Variants in GBP6 observed in about 807,000 individuals in gnomAD.
GBP6 encodes the protein guanylate binding protein family member 6.
In GBP6, 54 loss-of-function variants were observed where a neutral mutation model predicts 61.5. That is an observed-to-expected ratio of 0.88 (90% CI 0.71 to 1.10). GBP6 has a LOEUF of 1.10. GBP6 is among the 50% of genes least tolerant of loss of function. GBP6 has a pLI of 0.00. For missense variants in GBP6, 748 were observed against 752.8 expected (o/e 0.99, Z 0.07); for synonymous variants, 255 against 273.7 (o/e 0.93, Z 0.67).
intron 4 of GBP6, 37 bp from the exon 5 acceptor site, chr1:89,378,380 G>C: frequency 6.3e-7 from 1 of 1,586,294 alleles, no homozygotes. Context: ...TGTGTGAATT[G>C]TGGGCAGACA....
rs1375864531 is a variant in GBP6 at position 89,380,605 on chromosome 1, G to T, written c.845G>T (p.Arg282Met). The T allele has an allele frequency of 6.2e-7, 1 of 1,613,760 alleles. No homozygotes were observed. The highest frequency in any genetic ancestry group is 1.3e-5 in the African/African-American group (1 of 74,908). ...ACTCATGCAAGAACCAAGACCCTCAGGGAGGGAATCACAGTCACTGGGAAT... is the reference window on the plus strand; with the variant it reads ...ACTCATGCAAGAACCAAGACCCTCATGGAGGGAATCACAGTCACTGGGAAT... ...IFTHARTKTL[R>M]EGITVTGNRL... Residue 282 changes from arginine (R) to methionine (M), a missense_variant, in exon 6 of 11, where the codon AGG becomes ATG. Physicochemically the swap from Arg to Met is moderately conservative, Grantham distance 91. Coordinates refer to ENST00000370456, the MANE Select transcript of GBP6 (RefSeq NM_198460.3).
chr1:89,377,861 A>G (rs188049534), intron 3 of GBP6, among the ~76,000 whole-genome samples: 1 of 152,354 alleles, frequency 6.6e-6, no homozygotes, highest in African/African-American at 2.4e-5. Context: ...TTTTCCATAT[A>G]TGCATCTTAT....
Position 89,380,618 on chromosome 1 carries a change from A to G in GBP6, c.858A>G (p.Thr286=), listed in dbSNP as rs932087085. 5.0e-6 allele frequency: 8 copies of G among 1,613,590 alleles called. No individual in the cohort carries two copies. Among genetic ancestry groups the G allele is most frequent in the Non-Finnish European group, 5.1e-6 (6 of 1,179,540 alleles). The change falls in exon 6 of 11, where the codon ACA becomes ACG. Residue 286 remains threonine, a synonymous_variant. Coordinates refer to ENST00000370456, the MANE Select transcript of GBP6 (RefSeq NM_198460.3). The part of the protein sequence containing the change: ...ARTKTLREGI[T]VTGNRLGTLA... ...CCAAGACCCTCAGGGAGGGAATCACAGTCACTGGGAATCGTGAGTCTCCTT... is the reference window on the plus strand; with the variant it reads ...CCAAGACCCTCAGGGAGGGAATCACGGTCACTGGGAATCGTGAGTCTCCTT...
rs1353932563 is a variant in GBP6, at chr1:89,380,459, T to A, written c.699T>A (p.Cys233Ter). The change falls in exon 6 of 11, where the codon TGT becomes TGA. Residue 233 changes from cysteine (C) to a stop codon, truncating the protein, a stop_gained. Coordinates refer to ENST00000370456, the MANE Select transcript of GBP6 (RefSeq NM_198460.3). LOFTEE classifies it high-confidence loss of function. ...CIRRFFPKRK[C>*]FVFDRPTNDK... ...GGCGTTTCTTTCCAAAACGGAAGTG[T>A]TTCGTCTTTGACCGGCCAACAAATG... is the stretch of plus-strand genomic sequence containing the variant. 6.2e-7 allele frequency: 1 copy of A among 1,614,146 alleles called. No individual in the cohort carries two copies. Among genetic ancestry groups the A allele is most frequent in the South Asian group, 1.1e-5 (1 of 91,084 alleles).
intron 5 of GBP6, among the ~76,000 whole-genome samples, chr1:89,378,901 T>C (rs1029776976): frequency 1.3e-5 from 2 of 152,206 alleles, no homozygotes; most frequent in African/African-American, 4.8e-5. Flanking sequence ...AAGATGCTTG[T>C]GATCTGTGTT....
intron 2 of GBP6, 127 bp downstream of exon 2, chr1:89,368,868 A>C: frequency 1.3e-6 from 1 of 748,596 alleles, no homozygotes; most frequent in East Asian, 2.6e-5. Context: ...TTCTCATTCC[A>C]ATTCTTACCA....
At chr1:89,370,892 T>C (rs1317396448) in intron 3 of GBP6, among the ~76,000 whole-genome samples, 2 of 152,194 alleles carry the variant, frequency 1.3e-5, no homozygotes, top group Non-Finnish European at 2.9e-5. Context: ...ACAATCAATA[T>C]AGTATTGTTA....
chr1:89,386,467 T>C lies in GBP6; in HGVS notation c.*998T>C, dbSNP rs1234060188. ...AATAGTGAAATTGGCTATCAGATGATGAAATTCCTTGTTGCTTCTAGGAAT... is the reference window on the plus strand; with the variant it reads ...AATAGTGAAATTGGCTATCAGATGACGAAATTCCTTGTTGCTTCTAGGAAT... On this transcript the variant is annotated 3_prime_UTR_variant, in exon 11 of 11. Transcript: ENST00000370456. 1 of 152,226 alleles carries C rather than the reference T, an allele frequency of 6.6e-6. No individual in the cohort carries two copies. Among genetic ancestry groups the C allele is most frequent in the East Asian group, 1.9e-4 (1 of 5,206 alleles). The allele number at this position is 152,226 out of a possible 1,614,324, so 9.4% of individuals were successfully genotyped here. A position where few individuals can be genotyped will look rare whatever the true frequency, so the allele number is the denominator to read the frequency against.
At chr1:89,367,995 C>T (rs926721522) in intron 1 of GBP6, among the ~76,000 whole-genome samples, 1 of 152,182 alleles carries the variant, frequency 6.6e-6, no homozygotes, top group African/African-American at 2.4e-5. Flanking sequence ...AGACTTATGA[C>T]TGTTTTCCAG....
At chr1:89,373,568 A>G (rs1652707685) in intron 3 of GBP6, among the ~76,000 whole-genome samples, 1 of 152,164 alleles carries the variant, frequency 6.6e-6, no homozygotes, top group African/African-American at 2.4e-5. Flanking sequence ...CACAAGGACA[A>G]AAAACCAAAC....
In GBP6 at chr1:89,374,700, A is replaced by G. The variant is rs544986087; in HGVS notation, c.319-3403A>G. Among the ~76,000 whole-genome samples the G allele has an allele frequency of 3.9e-5, 6 of 152,264 alleles. No individual in the cohort carries two copies. The East Asian group carries it at 1.2e-3, about 29-fold the overall frequency. The stretch of plus-strand genomic sequence containing the variant: ...AGCTATTTTGTACACCTTTATATAT[A>G]CATATTAGCCATTTGTACGTCTTCT... On this transcript the variant is annotated intron_variant, in intron 3 of 10. Coordinates refer to ENST00000370456, the MANE Select transcript of GBP6 (RefSeq NM_198460.3).
chr1:89,370,474 A>C (rs1166442098), intron 3 of GBP6, among the ~76,000 whole-genome samples: 1 of 152,214 alleles, frequency 6.6e-6, no homozygotes, highest in Non-Finnish European at 1.5e-5. Flanking sequence ...CATCATAAAA[A>C]AGTATTTGTT....
Position 89,369,613 on chromosome 1 carries a change from A to G in GBP6, c.258A>G (p.Pro86=), listed in dbSNP as rs1413982701. ...KGIWMWCVPH[P]SKPNHTLVLL... ...TCTGGATGTGGTGCGTGCCCCACCC[A>G]TCCAAGCCAAACCACACCCTGGTCC... Residue 86 remains proline (P), a synonymous_variant, in exon 3 of 11, where the codon CCA becomes CCG. Transcript: ENST00000370456. 2 of 1,614,086 alleles carry G rather than the reference A, an allele frequency of 1.2e-6. No homozygotes were observed. Among genetic ancestry groups the G allele is most frequent in the Non-Finnish European group, 1.7e-6 (2 of 1,179,964 alleles).
rs751496578 is a variant in GBP6, at chr1:89,385,494, G to T, written c.*25G>T. 7 of 1,584,534 alleles carry T rather than the reference G, an allele frequency of 4.4e-6. No homozygotes were observed. The highest frequency in any genetic ancestry group is 5.1e-6 in the Non-Finnish European group (6 of 1,166,916). ...AGGATATTATAGATTGTACATATAT[G>T]CTTTGGACTATTTTTGATCTGTATG... On this transcript the variant is annotated 3_prime_UTR_variant, in exon 11 of 11. Coordinates refer to ENST00000370456, the MANE Select transcript of GBP6 (RefSeq NM_198460.3).
intron 3 of GBP6, among the ~76,000 whole-genome samples, chr1:89,375,487 C>A (rs971129583): frequency 2.0e-5 from 3 of 152,158 alleles, no homozygotes; most frequent in African/African-American, 7.2e-5. Context: ...TACCATTCAA[C>A]CTAGCAATCC....
At chr1:89,380,817 A>C (rs967408097) in intron 6 of GBP6, among the ~76,000 whole-genome samples, 186 bp downstream of exon 6, 1 of 152,362 alleles carries the variant, frequency 6.6e-6, no homozygotes, top group Middle Eastern at 3.4e-3. Context: ...CCAATATTGC[A>C]AACTCTGTCA....
rs557223412 is a variant in GBP6, at chr1:89,377,480, G to A, written c.319-623G>A. Among the ~76,000 whole-genome samples, 527 of 152,068 alleles carry A rather than the reference G, an allele frequency of 3.5e-3. 3 individuals are homozygous for A. Among genetic ancestry groups the A allele is most frequent in the Non-Finnish European group, 5.6e-3 (380 of 67,988 alleles). On this transcript the variant is annotated intron_variant, in intron 3 of 10. Transcript: ENST00000370456. ...CAATTTTCATAGCTCTTATCTTCCT[G>A]GATAGACTTGTAATTTTTAATTTAA...
chr1:89,380,695 T>A (rs1335787630), intron 6 of GBP6, 64 bp downstream of exon 6: 9 of 1,507,808 alleles, frequency 6.0e-6, no homozygotes, highest in Non-Finnish European at 8.1e-6. Flanking sequence ...ATAATGTGTT[T>A]CTCAGAATTT....
rs1487641077 is a variant in GBP6, at chr1:89,369,526, CT to C, written c.191-18del. The C allele has an allele frequency of 1.9e-6, 3 of 1,609,982 alleles. No individual in the cohort carries two copies. Among genetic ancestry groups the C allele is most frequent in the Non-Finnish European group, 2.5e-6 (3 of 1,177,742 alleles). On this transcript the variant is annotated intron_variant, in intron 2 of 10. Transcript: ENST00000370456. ...GCTGCTCTGCTGTCCCTGTGCTTAG[CT>C]TCCTCCTCTTCCCTGCAGGCTTCCC...
Sources: allele counts gnomAD v4.1 joint callset (sites outside exome capture counted in the v4.1 genomes callset), GRCh38; gene constraint gnomAD v4.1.1; transcripts MANE v1.5; gene names NCBI Gene and HGNC (gene_info 2026-07-23, HGNC 2026-07-21).